Variants in PTPRD observed in about 807,000 individuals in gnomAD.
PTPRD encodes protein tyrosine phosphatase receptor type D, also known as receptor-type tyrosine-protein phosphatase delta.
In PTPRD, 34 loss-of-function variants were observed where a neutral mutation model predicts 214.5. That is an observed-to-expected ratio of 0.16 (90% CI 0.12 to 0.21). PTPRD has a LOEUF of 0.21. Ranked by LOEUF, PTPRD falls within the 10% of genes least tolerant of loss-of-function variation. The probability of loss-of-function intolerance (pLI) is 1.00; values close to 1 mark genes in which losing one functional copy is unlikely to be tolerated. For missense variants in PTPRD, 2,545 were observed against 2,398.7 expected (o/e 1.06, Z -1.27); for synonymous variants, 1,128 against 845.7 (o/e 1.33, Z -5.79).
chr9:8,598,683 C>T (rs1234760616), intron 14 of PTPRD, among the ~76,000 whole-genome samples: 1 of 152,148 alleles, frequency 6.6e-6, no homozygotes, highest in Non-Finnish European at 1.5e-5. Flanking sequence ...GCTTATACTT[C>T]ATAGCACTAA....
intron 35 of PTPRD, among the ~76,000 whole-genome samples, chr9:8,429,476 T>G (rs1425988969): frequency 1.3e-5 from 2 of 152,226 alleles, no homozygotes; most frequent in Non-Finnish European, 2.9e-5. Context: ...TGTCTTGATG[T>G]ATTTCATTAT....
At chr9:8,608,650 G>T (rs1222331503) in intron 14 of PTPRD, among the ~76,000 whole-genome samples, 1 of 152,036 alleles carries the variant, frequency 6.6e-6, no homozygotes, top group Non-Finnish European at 1.5e-5. Context: ...CAGAATACTG[G>T]AAAATCACGG....
chr9:10,215,938 G>T (rs146671556), intron 3 of PTPRD, among the ~76,000 whole-genome samples: 4 of 151,886 alleles, frequency 2.6e-5, no homozygotes, highest in East Asian at 1.9e-4. Flanking sequence ...ATAAATCAGA[G>T]GACAGACCTT....
intron 7 of PTPRD, among the ~76,000 whole-genome samples, chr9:9,587,792 G>T (rs1421303655): frequency 6.6e-6 from 1 of 151,918 alleles, no homozygotes; most frequent in Non-Finnish European, 1.5e-5. Flanking sequence ...TCATATGTGG[G>T]AGCTAAACAA....
At position 8,332,525 on chromosome 9, in the gene PTPRD, T is replaced by C. The variant is rs527327785; in HGVS notation, c.5380-789A>G. ...TAACAGTCTGTGGAGAGCTTTAACA[T>C]AGATAAACCAAAAGGTAGAAAAAAA... On this transcript the variant is annotated intron_variant, in intron 43 of 45. Coordinates refer to ENST00000381196, the MANE Select transcript of PTPRD (RefSeq NM_002839.4). Among the ~76,000 whole-genome samples the C allele has an allele frequency of 2.4e-4, 32 of 135,576 alleles. 1 individual carries two copies. In the South Asian group the frequency reaches 7.2e-3, roughly 30 times the overall value. The allele number at this position is 135,576 out of a possible 152,430, so 88.9% of individuals were successfully genotyped here. A position where few individuals can be genotyped will look rare whatever the true frequency, so the allele number is the denominator to read the frequency against.
At chr9:8,710,915 G>C (rs555355539) in intron 12 of PTPRD, among the ~76,000 whole-genome samples, 1 of 151,994 alleles carries the variant, frequency 6.6e-6, no homozygotes, top group South Asian at 2.1e-4. Flanking sequence ...ATTCACCTTG[G>C]TAAGCACTTT....
intron 23 of PTPRD, among the ~76,000 whole-genome samples, chr9:8,503,901 G>T (rs548275169): frequency 6.6e-6 from 1 of 152,154 alleles, no homozygotes; most frequent in Admixed American, 6.5e-5. Context: ...TCTTTCATTT[G>T]CGAAGCCCTC....
intron 41 of PTPRD, 130 bp from the exon 42 acceptor site, chr9:8,340,599 C>T (rs552460857): frequency 6.5e-4 from 580 of 896,010 alleles, no homozygotes; most frequent in Non-Finnish European, 8.6e-4. Context: ...GAGGTAAATT[C>T]CTGCTAAGAT....
intron 11 of PTPRD, among the ~76,000 whole-genome samples, chr9:8,768,058 G>C (rs982034901): frequency 6.6e-6 from 1 of 152,138 alleles, no homozygotes; most frequent in Non-Finnish European, 1.5e-5. Flanking sequence ...GGGTCTGGAA[G>C]AACAAAGACA....
At position 10,222,078 on chromosome 9, in the gene PTPRD, T is replaced by C. The variant is rs76977699; in HGVS notation, c.-545+118885A>G. ...AAGTGTAAATTACCCATGATCACAA[T>C]GTATAAAATCACAGTTTGCAAAATT... On this transcript the variant is annotated intron_variant, in intron 3 of 45. Transcript: ENST00000381196. 1.4e-3 allele frequency among the ~76,000 whole-genome samples: 207 copies of C among 152,158 alleles called. 4 individuals are homozygous for C. The East Asian group carries it at 0.038, about 28-fold the overall frequency.
intron 2 of PTPRD, among the ~76,000 whole-genome samples, chr9:10,413,360 T>C (rs746117028): frequency 2.0e-5 from 3 of 151,866 alleles, no homozygotes; most frequent in Non-Finnish European, 4.4e-5. Flanking sequence ...TCATTCACAA[T>C]TGCCATGTAA....
intron 5 of PTPRD, among the ~76,000 whole-genome samples, chr9:9,913,546 C>A (rs1035196045): frequency 1.3e-5 from 2 of 151,988 alleles, no homozygotes; most frequent in Non-Finnish European, 2.9e-5. Context: ...TGGAGATGCA[C>A]CAGTAGTGAC....
intron 14 of PTPRD, among the ~76,000 whole-genome samples, chr9:8,532,854 T>C (rs567299337): frequency 4.6e-5 from 7 of 152,172 alleles, no homozygotes; most frequent in Admixed American, 3.9e-4. Context: ...TTGAATCTGT[T>C]GGTATCTTAA....
At chr9:10,583,492 C>A (rs1036093956) in intron 2 of PTPRD, among the ~76,000 whole-genome samples, 4 of 151,366 alleles carry the variant, frequency 2.6e-5, no homozygotes, top group Admixed American at 6.6e-5. Context: ...CGCCCTGTTG[C>A]CCAGGCTGGA....
At chr9:8,480,988 A>G (rs1273837696) in intron 30 of PTPRD, among the ~76,000 whole-genome samples, 2 of 151,954 alleles carry the variant, frequency 1.3e-5, no homozygotes, top group African/African-American at 4.8e-5. Context: ...AAATACAAAA[A>G]GATTAGCCAG....
chr9:8,825,815 C>A (rs2097163755), intron 11 of PTPRD, among the ~76,000 whole-genome samples: 1 of 150,814 alleles, frequency 6.6e-6, no homozygotes, highest in African/African-American at 2.4e-5. Flanking sequence ...TAACTTCCGA[C>A]ATTCCCATGG....
chr9:10,082,857 A>C (rs2098266550), intron 3 of PTPRD, among the ~76,000 whole-genome samples: 1 of 151,194 alleles, frequency 6.6e-6, no homozygotes, highest in Admixed American at 6.6e-5. Context: ...ACACACACAC[A>C]CACACACCCT....
chr9:10,466,219 A>T (rs1293636684), intron 2 of PTPRD, among the ~76,000 whole-genome samples: 2 of 152,190 alleles, frequency 1.3e-5, no homozygotes, highest in African/African-American at 4.8e-5. Context: ...ACTGATGCTC[A>T]GGAAGCCTAA....
intron 5 of PTPRD, among the ~76,000 whole-genome samples, chr9:9,934,991 A>G (rs1467539435): frequency 2.0e-5 from 3 of 152,228 alleles, no homozygotes; most frequent in Non-Finnish European, 2.9e-5. Context: ...GATTATCTCA[A>G]TAGATACAGA....
Sources: gnomAD v4.1 joint callset for allele counts (sites outside exome capture counted in the v4.1 genomes callset) on GRCh38, gnomAD v4.1.1 for gene constraint, MANE v1.5 for transcripts, NCBI Gene and HGNC (gene_info 2026-07-23, HGNC 2026-07-21) for gene names.